Variants in TAF12 observed in about 807,000 individuals in gnomAD.
TAF12 encodes transcription initiation factor TFIID subunit 12.
Under a neutral mutation model 20.8 loss-of-function variants are expected in TAF12, and 3 were observed. The observed-to-expected ratio is 0.14, with a 90% CI of 0.07 to 0.37. The LOEUF (loss-of-function observed/expected upper bound fraction) is 0.37, where lower values mean the gene tolerates loss of function less well. TAF12 is among the 10% of genes least tolerant of loss of function. The pLI is 1.00. For synonymous variants in TAF12, 69 were observed against 70.2 expected (o/e 0.98, Z 0.09); for missense variants, 131 against 197.9 (o/e 0.66, Z 2.03).
At chr1:28,615,707 AAAAAAG>A in intron 3 of TAF12, among the ~76,000 whole-genome samples, 1 of 150,316 alleles carries the variant, frequency 6.7e-6, no homozygotes. Context: ...AAAAAAAAAA[AAAAAAG>A]AAGCTAAGGG....
chr1:28,641,514 G>C (rs953691021), intron 1 of TAF12, among the ~76,000 whole-genome samples: 2 of 151,862 alleles, frequency 1.3e-5, no homozygotes, highest in Admixed American at 6.6e-5. Context: ...AAACTGCAAG[G>C]GGGGTGAGGT....
upstream of TAF12, among the ~76,000 whole-genome samples, chr1:28,643,983 G>A (rs552684337): frequency 3.3e-5 from 5 of 152,036 alleles, no homozygotes; most frequent in African/African-American, 9.6e-5. Flanking sequence ...CTGGAGGGGC[G>A]GAGGTTGCAG....
chr1:28,616,475 G>A (rs1415338629), intron 3 of TAF12, among the ~76,000 whole-genome samples: 2 of 150,020 alleles, frequency 1.3e-5, no homozygotes, highest in East Asian at 2.0e-4. Context: ...GCTCATGCCT[G>A]TAATCCCAGC....
At chr1:28,628,434 A>G (rs1198183299) in intron 1 of TAF12, among the ~76,000 whole-genome samples, 1 of 152,138 alleles carries the variant, frequency 6.6e-6, no homozygotes, top group Non-Finnish European at 1.5e-5. Flanking sequence ...TGAAATGTCC[A>G]GAATAGGCAA....
At chr1:28,605,071 G>T (rs1666618503) in intron 5 of TAF12, among the ~76,000 whole-genome samples, 1 of 152,160 alleles carries the variant, frequency 6.6e-6, no homozygotes, top group Admixed American at 6.6e-5. Flanking sequence ...CATTAAGGAG[G>T]TATGGTGGGG....
chr1:28,645,374 A>C (rs1570350331), upstream of TAF12, among the ~76,000 whole-genome samples: 1 of 144,854 alleles, frequency 6.9e-6, no homozygotes, highest in African/African-American at 2.6e-5. Context: ...TAAGGACTGG[A>C]CACCCTGGCT....
chr1:28,632,264 G>T (rs1557471298), intron 1 of TAF12, among the ~76,000 whole-genome samples: 1 of 151,996 alleles, frequency 6.6e-6, no homozygotes, highest in African/African-American at 2.4e-5. Context: ...ATGGTGAAAC[G>T]CTCTCTACTA....
In TAF12 at chr1:28,613,175, T is replaced by A. The variant is rs928378726; in HGVS notation, c.361+72A>T. On this transcript the variant is annotated intron_variant, in intron 4 of 5. Coordinates refer to ENST00000373824, the MANE Select transcript of TAF12 (RefSeq NM_005644.4). ...TCTGGTTCTGGCATGAAGGTTCCTC[T>A]GACTACACTTTCCCTGGCAGTCCTG... 1.8e-4 allele frequency: 231 copies of A among 1,318,694 alleles called. 2 individuals are homozygous for A. In the South Asian group the frequency reaches 1.8e-3, roughly 10 times the overall value. The allele number at this position is 1,318,694 out of a possible 1,614,324, so 81.7% of individuals were successfully genotyped here. A position where few individuals can be genotyped will look rare whatever the true frequency, so the allele number is the denominator to read the frequency against.
intron 4 of TAF12, among the ~76,000 whole-genome samples, chr1:28,605,919 T>C (rs1015227308): frequency 2.6e-5 from 4 of 152,168 alleles, no homozygotes; most frequent in African/African-American, 9.7e-5. Flanking sequence ...CACAGGCTCA[T>C]TTGCCAGGTT....
At chr1:28,621,042 T>G (rs1667206138) in intron 2 of TAF12, among the ~76,000 whole-genome samples, 1 of 152,174 alleles carries the variant, frequency 6.6e-6, no homozygotes, top group Admixed American at 6.6e-5. Flanking sequence ...TTTTACTCCT[T>G]TATTAAATAT....
At chr1:28,645,264 T>C (rs922734592), upstream of TAF12, among the ~76,000 whole-genome samples, 3 of 150,710 alleles carry the variant, frequency 2.0e-5, no homozygotes, top group Admixed American at 2.0e-4. Context: ...CTCGATCTCC[T>C]GACCTCGTGA....
At chr1:28,636,059 A>G (rs987362301) in intron 1 of TAF12, among the ~76,000 whole-genome samples, 3 of 152,168 alleles carry the variant, frequency 2.0e-5, no homozygotes, top group African/African-American at 4.8e-5. Flanking sequence ...TATCTAAATG[A>G]GCTCATATTT....
intron 4 of TAF12, among the ~76,000 whole-genome samples, chr1:28,612,434 C>T (rs571020018): frequency 1.5e-4 from 21 of 141,640 alleles, no homozygotes; most frequent in African/African-American, 5.0e-4. Flanking sequence ...CAGTGAGACT[C>T]GATCAAAAAA....
chr1:28,611,289 G>A (rs987633010), intron 4 of TAF12, among the ~76,000 whole-genome samples: 8 of 152,026 alleles, frequency 5.3e-5, no homozygotes, highest in Non-Finnish European at 5.9e-5. Flanking sequence ...GGAGGGAGAC[G>A]CCTGCAGAAT....
At chr1:28,642,206 A>T (rs1349556403) in intron 1 of TAF12, among the ~76,000 whole-genome samples, 1 of 152,190 alleles carries the variant, frequency 6.6e-6, no homozygotes, top group Non-Finnish European at 1.5e-5. Context: ...TAGATTGAGT[A>T]TCTGACACAA....
intron 3 of TAF12, among the ~76,000 whole-genome samples, chr1:28,614,697 G>A (rs1048399281): frequency 1.3e-5 from 2 of 149,276 alleles, no homozygotes; most frequent in African/African-American, 4.9e-5. Context: ...AAGCAAGCAA[G>A]CAGAGGAACC....
At chr1:28,647,920 G>A (rs1054621346), upstream of TAF12, among the ~76,000 whole-genome samples, 4 of 151,906 alleles carry the variant, frequency 2.6e-5, no homozygotes, top group Admixed American at 6.6e-5. Context: ...AGTCATCTGA[G>A]GTACAGTATT....
chr1:28,643,427 G>C (rs1312353895), upstream of TAF12: 1 of 152,174 alleles, frequency 6.6e-6, no homozygotes, highest in African/African-American at 2.4e-5. Flanking sequence ...TCAGGACTGG[G>C]ATATCATCTG....
At chr1:28,625,058 C>T (rs1667336965) in intron 1 of TAF12, among the ~76,000 whole-genome samples, 1 of 152,230 alleles carries the variant, frequency 6.6e-6, no homozygotes, top group Admixed American at 6.5e-5. Context: ...AAAGCAAGTT[C>T]TATGCAAAAG....
Sources: allele counts gnomAD v4.1 joint callset (sites outside exome capture counted in the v4.1 genomes callset), GRCh38; gene constraint gnomAD v4.1.1; transcripts MANE v1.5; gene names NCBI Gene and HGNC (gene_info 2026-07-23, HGNC 2026-07-21).